Variants in SIK2 observed in about 807,000 individuals in gnomAD.
SIK2 encodes the protein salt inducible kinase 2.
In SIK2, 29 loss-of-function variants were observed where a neutral mutation model predicts 103.2. The ratio of observed to expected loss-of-function variants is 0.28; its 90% CI spans 0.21 to 0.38. The LOEUF is 0.38. Ranked by LOEUF, SIK2 falls within the 10% of genes least tolerant of loss-of-function variation. The pLI, the probability that SIK2 is intolerant of heterozygous loss-of-function variation, is 1.00. For synonymous variants in SIK2, 412 were observed against 446.1 expected (o/e 0.92, Z 0.96); for missense variants, 879 against 1,171.0 (o/e 0.75, Z 3.64).
chr11:111,609,333 TG>T (rs1193031794), intron 1 of SIK2, among the ~76,000 whole-genome samples: 126 of 150,700 alleles, frequency 8.4e-4, no homozygotes, highest in African/African-American at 2.4e-3. Flanking sequence ...ATTTTTTTTT[TG>T]GGGGGGGGAC....
At chr11:111,697,730 A>G (rs377164520) in intron 4 of SIK2, among the ~76,000 whole-genome samples, 8 of 152,200 alleles carry the variant, frequency 5.3e-5, no homozygotes, top group African/African-American at 1.9e-4. Flanking sequence ...AGTGGCTCAC[A>G]CCTGTAATCC....
At chr11:111,612,572 C>T (rs1941741228) in intron 1 of SIK2, among the ~76,000 whole-genome samples, 1 of 152,130 alleles carries the variant, frequency 6.6e-6, no homozygotes, top group Non-Finnish European at 1.5e-5. Context: ...AAGTAATAGG[C>T]ACCACTTCCA....
At chr11:111,631,769 T>G (rs1942043334) in intron 3 of SIK2, among the ~76,000 whole-genome samples, 1 of 152,180 alleles carries the variant, frequency 6.6e-6, no homozygotes, top group Non-Finnish European at 1.5e-5. Flanking sequence ...CAGGAAGGCC[T>G]TAGGTCTTTG....
intron 3 of SIK2, among the ~76,000 whole-genome samples, chr11:111,661,633 G>T (rs943808634): frequency 3.9e-5 from 6 of 152,164 alleles, no homozygotes; most frequent in Non-Finnish European, 8.8e-5. Context: ...ACTGCTATTA[G>T]GAAATACCTG....
chr11:111,715,663 C>T lies in SIK2; in HGVS notation c.1266+3288C>T, dbSNP rs541892619. 9.2e-5 allele frequency among the ~76,000 whole-genome samples: 14 copies of T among 152,174 alleles called. No individual in the cohort carries two copies. In the South Asian group the frequency reaches 2.9e-3, roughly 32 times the overall value. On this transcript the variant is annotated intron_variant, in intron 9 of 14. Coordinates refer to ENST00000304987, the MANE Select transcript of SIK2 (RefSeq NM_015191.3). ...GGTGTTCCAAACAGGAACTGAGATCCACAGATGACATGGGGGCCATATGGG... is the reference window on the plus strand; with the variant it reads ...GGTGTTCCAAACAGGAACTGAGATCTACAGATGACATGGGGGCCATATGGG...
At chr11:111,630,060 C>T (rs755374873) in intron 3 of SIK2, among the ~76,000 whole-genome samples, 3 of 152,050 alleles carry the variant, frequency 2.0e-5, no homozygotes, top group African/African-American at 7.2e-5. Context: ...CACGCAAAGT[C>T]GGATCAACCC....
intron 3 of SIK2, among the ~76,000 whole-genome samples, chr11:111,650,572 G>T (rs900446483): frequency 3.3e-5 from 5 of 151,920 alleles, no homozygotes; most frequent in Non-Finnish European, 5.9e-5. Context: ...AAAGGCCTAG[G>T]TATCAATATC....
chr11:111,631,892 C>T (rs1490052023), intron 3 of SIK2, among the ~76,000 whole-genome samples: 2 of 152,152 alleles, frequency 1.3e-5, no homozygotes, highest in African/African-American at 4.8e-5. Context: ...GCTGGGAATG[C>T]ATCTACGGTG....
At chr11:111,640,115 T>G (rs999091600) in intron 3 of SIK2, among the ~76,000 whole-genome samples, 1 of 152,200 alleles carries the variant, frequency 6.6e-6, no homozygotes, top group African/African-American at 2.4e-5. Context: ...ACTTCACCAT[T>G]GGGCATGAAA....
intron 1 of SIK2, among the ~76,000 whole-genome samples, chr11:111,614,904 C>G (rs1431299486): frequency 1.3e-5 from 2 of 150,704 alleles, no homozygotes; most frequent in African/African-American, 4.9e-5. Context: ...TTTGGGAGGT[C>G]GAGGTGGGCG....
rs761872982 is a variant in SIK2, at chr11:111,701,030, T to C, written c.603+20T>C. 148 of 1,611,418 alleles carry C rather than the reference T, an allele frequency of 9.2e-5. No homozygotes were observed. Among genetic ancestry groups the C allele is most frequent in the Non-Finnish European group, 1.2e-4 (143 of 1,178,128 alleles). ...ATCTGGGTACTGCTTTGCTTTGCTG[T>C]GTTGTTAAATGCATCTATACTGATA... On this transcript the variant is annotated intron_variant, in intron 5 of 14. Transcript: ENST00000304987. The surrounding 1 kb of genome is among the most constrained non-coding windows in gnomAD (Gnocchi z 4.2).
At chr11:111,665,750 C>T (rs758079764) in intron 3 of SIK2, among the ~76,000 whole-genome samples, 9 of 151,246 alleles carry the variant, frequency 6.0e-5, no homozygotes, top group Non-Finnish European at 1.3e-4. Flanking sequence ...CACTTGAACC[C>T]GGGAGGCAGA....
At chr11:111,661,348 GGAAAA>G (rs897486310) in intron 3 of SIK2, among the ~76,000 whole-genome samples, 20 of 152,066 alleles carry the variant, frequency 1.3e-4, no homozygotes, top group African/African-American at 4.8e-4. Flanking sequence ...TGGGGAAGAG[GGAAAA>G]GAAAAGGAAG....
At chr11:111,676,188 A>G (rs1942701266) in intron 3 of SIK2, among the ~76,000 whole-genome samples, 1 of 152,016 alleles carries the variant, frequency 6.6e-6, no homozygotes, top group South Asian at 2.1e-4. Context: ...TTGATTCCAC[A>G]CTTCTGCTAT....
intron 3 of SIK2, among the ~76,000 whole-genome samples, chr11:111,654,713 A>C (rs764691216): frequency 6.6e-6 from 1 of 152,212 alleles, no homozygotes; most frequent in Non-Finnish European, 1.5e-5. Context: ...TGAGAATTGT[A>C]CATTTTTCTG....
rs1944032121 is a variant in SIK2 at position 111,728,011 on chromosome 11, C to T, written c.*3882C>T. The T allele has an allele frequency of 6.6e-6, 1 of 152,198 alleles. No individual in the cohort carries two copies. Among genetic ancestry groups the T allele is most frequent in the Admixed American group, 6.5e-5 (1 of 15,282 alleles). 9.4% of individuals were successfully genotyped at this position (152,198 alleles called of 1,614,324 possible). A position where few individuals can be genotyped will look rare whatever the true frequency, so the allele number is the denominator to read the frequency against. ...TAAAGAAAATTCATACTCCAGGTAACTTTTTCCCATTCGACCTCCTATAGA... is the reference window on the plus strand; with the variant it reads ...TAAAGAAAATTCATACTCCAGGTAATTTTTTCCCATTCGACCTCCTATAGA... On this transcript the variant is annotated 3_prime_UTR_variant, in exon 15 of 15. Transcript: ENST00000304987.
intron 3 of SIK2, among the ~76,000 whole-genome samples, chr11:111,687,079 AAAT>A (rs898589787): frequency 1.1e-4 from 16 of 152,140 alleles, no homozygotes; most frequent in African/African-American, 3.6e-4. Context: ...TTAAAGTGTG[AAAT>A]AATAAGCTTT....
At chr11:111,662,524 G>A (rs1285317182) in intron 3 of SIK2, among the ~76,000 whole-genome samples, 1 of 152,168 alleles carries the variant, frequency 6.6e-6, no homozygotes, top group Non-Finnish European at 1.5e-5. Context: ...TGAGGTGGGT[G>A]GATCGCTTGA....
chr11:111,721,704 TTGAG>T (rs1240056368), intron 12 of SIK2, 122 bp from the exon 13 acceptor site: 3 of 622,968 alleles, frequency 4.8e-6, no homozygotes, highest in Non-Finnish European at 8.1e-6. Flanking sequence ...TGTAAAAGCT[TTGAG>T]TATTAATAAG....
Sources: allele counts gnomAD v4.1 joint callset (sites outside exome capture counted in the v4.1 genomes callset), GRCh38; gene constraint gnomAD v4.1.1; non-coding constraint Gnocchi (gnomAD v3.1); transcripts MANE v1.5; gene names NCBI Gene and HGNC (gene_info 2026-07-23, HGNC 2026-07-21).